Variants in ANK3 observed in about 807,000 individuals in gnomAD.
ANK3 encodes the protein ankyrin-3.
ANK3 carries 57 observed loss-of-function variants against 370.9 expected under a neutral mutation model. The ratio of observed to expected loss-of-function variants is 0.15; its 90% CI spans 0.12 to 0.19. The LOEUF is 0.19. ANK3 is among the 10% of genes least tolerant of loss of function. ANK3 has a pLI of 1.00. For synonymous variants in ANK3, 1,929 were observed against 1,946.3 expected, an observed-to-expected ratio of 0.99 and a Z score of 0.23; for missense variants, 4,439 against 5,302.1, an observed-to-expected ratio of 0.84 and a Z score of 5.06.
In ANK3 at chr10:60,074,315, T is replaced by C; in HGVS notation, c.6566A>G (p.Glu2189Gly). 1.9e-6 allele frequency: 3 copies of C among 1,614,044 alleles called. No homozygotes were observed. The highest frequency in any genetic ancestry group is 2.5e-6 in the Non-Finnish European group (3 of 1,179,984). ...SAGDVPQTQP[E>G]EPVSPKPSPT... ...TGAAGGTTTAGGTGACACAGGCTCC[T>C]CTGGTTGGGTCTGGGGAACATCCCC... Residue 2189 changes from glutamate (E) to glycine (G), a missense_variant, in exon 37 of 44, where the codon GAG becomes GGG. Around this residue, in one of 13 missense-constraint regions of ANK3, gnomAD observed 1,601 missense variants for 1,731.7 expected, o/e 0.92. Coordinates refer to ENST00000280772, the MANE Select transcript of ANK3 (RefSeq NM_020987.5).
At chr10:60,095,031 A>G (rs1398181135) in intron 28 of ANK3, among the ~76,000 whole-genome samples, 3 of 152,252 alleles carry the variant, frequency 2.0e-5, no homozygotes, top group African/African-American at 7.2e-5. Context: ...GGAAGGAGGC[A>G]AGGACCCTCC....
At chr10:60,489,669 G>A (rs183569860) in intron 2 of ANK3, among the ~76,000 whole-genome samples, 24 of 151,884 alleles carry the variant, frequency 1.6e-4, no homozygotes, top group Admixed American at 7.2e-4. Context: ...TACAACAAAA[G>A]GCTCTTTAAA....
chr10:60,065,839 T>C lies in ANK3; in HGVS notation c.12320-1551A>G, dbSNP rs375999186. Among the ~76,000 whole-genome samples, 396 of 152,338 alleles carry C rather than the reference T, an allele frequency of 2.6e-3. 1 individual carries two copies. Among genetic ancestry groups the C allele is most frequent in the African/African-American group, 8.3e-3 (346 of 41,584 alleles). ...ACTGATTTCACATCTCATTGAAGCA[T>C]TGTGAACCACAGTTAGAAAACCACC... On this transcript the variant is annotated intron_variant, in intron 38 of 43. Transcript: ENST00000280772.
Position 60,137,386 on chromosome 10 carries a change from A to C in ANK3, c.2738+1578T>G, listed in dbSNP as rs746073727. On this transcript the variant is annotated intron_variant, in intron 24 of 43. Transcript: ENST00000280772. ...AAAGTAATTTTAGGAAAAAAAAAAAAAAAAAACAAGAAATAGAAAGCAAAA... is the reference window on the plus strand; with the variant it reads ...AAAGTAATTTTAGGAAAAAAAAAAACAAAAAACAAGAAATAGAAAGCAAAA... 6.2e-5 allele frequency: 23 copies of C among 368,312 alleles called. 2 individuals carry two copies. The highest frequency in any genetic ancestry group is 1.1e-4 in the Non-Finnish European group (20 of 189,812). The allele number at this position is 368,312 out of a possible 1,614,324, so 22.8% of individuals were successfully genotyped here.
rs1430441788 is a variant in ANK3, at chr10:60,029,497, T to C, written c.*349A>G. Reference sequence around the variant, plus strand: ...GTGATTTGATCATTCCATCTCCTTCTGTCCCTTCTGATGGCAGGAATTTCT... The same window carrying C: ...GTGATTTGATCATTCCATCTCCTTCCGTCCCTTCTGATGGCAGGAATTTCT... On this transcript the variant is annotated 3_prime_UTR_variant, in exon 44 of 44. Transcript: ENST00000280772. 1 of 152,652 alleles carries C rather than the reference T, an allele frequency of 6.6e-6. No homozygotes were observed. The highest frequency in any genetic ancestry group is 1.5e-5 in the Non-Finnish European group (1 of 68,046). 9.5% of individuals were successfully genotyped at this position (152,652 alleles called of 1,614,324 possible).
Position 60,492,985 on chromosome 10 carries a change from C to T in ANK3, c.96+122201G>A, listed in dbSNP as rs2075559389. Among the ~76,000 whole-genome samples the T allele has an allele frequency of 2.7e-5, 4 of 148,006 alleles. No homozygotes were observed. The South Asian group carries it at 6.4e-4, about 24-fold the overall frequency. On this transcript the variant is annotated intron_variant, in intron 2 of 43. Transcript: ENST00000373827. ...GTCCCAGCTACTTGGGAGGCTGAGG[C>T]AGGTGAATGGTGTGAATCCAGGAGG... is the stretch of plus-strand genomic sequence containing the variant.
In ANK3 at chr10:60,161,277, TG is replaced by T. The variant is rs34845233; in HGVS notation, c.2614+5313del. Among the ~76,000 whole-genome samples, 865 of 152,232 alleles carry T rather than the reference TG, an allele frequency of 5.7e-3. 5 individuals carry two copies. The highest frequency in any genetic ancestry group is 9.0e-3 in the Non-Finnish European group (611 of 67,974). Reference sequence around the variant, plus strand: ...GAGAAAGGAGAACCCTCATATGCTATGGGGTAGAAATGTAAATTAGTACAGT... The same window carrying T: ...GAGAAAGGAGAACCCTCATATGCTATGGGTAGAAATGTAAATTAGTACAGT... On this transcript the variant is annotated intron_variant, in intron 23 of 43. Transcript: ENST00000280772.
intron 25 of ANK3, among the ~76,000 whole-genome samples, chr10:60,118,555 T>G (rs755054972): frequency 7.0e-6 from 1 of 141,908 alleles, no homozygotes; most frequent in Non-Finnish European, 1.6e-5. Context: ...GGTTTCAGTC[T>G]GGCCTCATTT....
At chr10:60,424,273 T>A (rs2063834736) in intron 2 of ANK3, among the ~76,000 whole-genome samples, 1 of 152,078 alleles carries the variant, frequency 6.6e-6, no homozygotes, top group Admixed American at 6.6e-5. Flanking sequence ...AATCATACCA[T>A]CACTCTCATT....
rs138434483 is a variant in ANK3, at chr10:60,416,579, A to G, written c.97-136940T>C. ...GAGGAGACTAACTGAGAAGTGTTAC[A>G]TTAGGAAACTTTTGGAATGATGGAA... On this transcript the variant is annotated intron_variant, in intron 2 of 43. Coordinates refer to the ANK3 transcript ENST00000373827. Among the ~76,000 whole-genome samples, 245 of 152,340 alleles carry G rather than the reference A, an allele frequency of 1.6e-3. 1 individual carries two copies. The highest frequency in any genetic ancestry group is 5.6e-3 in the African/African-American group (233 of 41,586).
At chr10:60,380,338 G>A (rs1026852742) in intron 1 of ANK3, among the ~76,000 whole-genome samples, 6 of 152,098 alleles carry the variant, frequency 3.9e-5, no homozygotes, top group Non-Finnish European at 7.4e-5. Context: ...GACTCATCTC[G>A]TGGAGCTCAG....
At chr10:60,513,382 T>C (rs2076137388) in intron 2 of ANK3, among the ~76,000 whole-genome samples, 1 of 152,110 alleles carries the variant, frequency 6.6e-6, no homozygotes, top group African/African-American at 2.4e-5. Flanking sequence ...AGGGTGTTTG[T>C]TCCAATGGTG....
intron 2 of ANK3, among the ~76,000 whole-genome samples, chr10:60,606,922 A>C (rs1053540284): frequency 1.3e-5 from 2 of 152,216 alleles, no homozygotes; most frequent in African/African-American, 4.8e-5. Context: ...GGCAGGAAGA[A>C]CACTTGCACA....
At chr10:60,537,982 T>G (rs146291243) in intron 2 of ANK3, among the ~76,000 whole-genome samples, 64 of 152,092 alleles carry the variant, frequency 4.2e-4, no homozygotes, top group African/African-American at 1.5e-3. Flanking sequence ...ATTAGTGTAA[T>G]GAATAAATTC....
rs58386273 is a variant in ANK3 at position 60,180,594 on chromosome 10, C to CAAAAAAAAAAAAAAAAAA, written c.2184+717_2184+734dup. Among the ~76,000 whole-genome samples, 14 of 63,414 alleles carry CAAAAAAAAAAAAAAAAAA rather than the reference C, an allele frequency of 2.2e-4. 1 individual carries two copies. Among genetic ancestry groups the CAAAAAAAAAAAAAAAAAA allele is most frequent in the East Asian group, 5.0e-4 (1 of 2,000 alleles). 41.6% of individuals were successfully genotyped at this position (63,414 alleles called of 152,430 possible). ...CTGGTAACAGAGTGAGACTCCGTCTCAAAAAAAAAAAAAAAAAAACCAAAA... is the reference window on the plus strand; with the variant it reads ...CTGGTAACAGAGTGAGACTCCGTCTCAAAAAAAAAAAAAAAAAAAAAAAAAAAAAAAAAAAAACCAAAA... On this transcript the variant is annotated intron_variant, in intron 18 of 43. Transcript: ENST00000280772.
intron 2 of ANK3, among the ~76,000 whole-genome samples, chr10:60,471,158 G>A (rs1171450357): frequency 6.6e-6 from 1 of 152,038 alleles, no homozygotes; most frequent in African/African-American, 2.4e-5. Flanking sequence ...AGTAATAAAT[G>A]CAATTAGTTT....
At position 60,102,371 on chromosome 10, in the gene ANK3, T is replaced by A. The variant is rs556101678; in HGVS notation, c.3328+3534A>T. ...ATATATCAGGCATCAAGCTAGGAGC[T>A]TTACATATATTAGCTCATCTATTCC... On this transcript the variant is annotated intron_variant, in intron 28 of 43. Transcript: ENST00000280772. 4.6e-5 allele frequency among the ~76,000 whole-genome samples: 7 copies of A among 152,204 alleles called. No homozygotes were observed. The East Asian group carries it at 1.2e-3, about 25-fold the overall frequency.
At chr10:60,629,055 AGTCACCAG>A (rs1213402159) in intron 1 of ANK3, among the ~76,000 whole-genome samples, 1 of 152,128 alleles carries the variant, frequency 6.6e-6, no homozygotes, top group African/African-American at 2.4e-5. Context: ...TTGAGCAACG[AGTCACCAG>A]GTGATTTCCC....
chr10:60,299,411 A>G (rs758124776), intron 1 of ANK3, among the ~76,000 whole-genome samples: 21 of 152,208 alleles, frequency 1.4e-4, no homozygotes, highest in Non-Finnish European at 2.5e-4. Flanking sequence ...ATATTAGAAC[A>G]AGCAACAATG....
Sources: allele counts gnomAD v4.1 joint callset (sites outside exome capture counted in the v4.1 genomes callset), GRCh38; gene constraint gnomAD v4.1.1; regional missense constraint gnomAD v4.1.1; transcripts MANE v1.5; gene names NCBI Gene and HGNC (gene_info 2026-07-23, HGNC 2026-07-21).